Variants in TMEM131 observed in about 807,000 individuals in gnomAD.
TMEM131 encodes transmembrane protein 131, also known as 2610524E03Rik.
In TMEM131, 66 loss-of-function variants were observed where a neutral mutation model predicts 211.6. The ratio of observed to expected loss-of-function variants is 0.31; its 90% confidence interval spans 0.26 to 0.38. The LOEUF (loss-of-function observed/expected upper bound fraction) is 0.38. TMEM131 is among the 10% of genes least tolerant of loss of function. TMEM131 has a pLI of 1.00. For synonymous variants in TMEM131, 844 were observed against 841.3 expected (o/e 1.00, Z -0.06); for missense variants, 2,036 against 2,299.3 (o/e 0.89, Z 2.34).
chr2:97,843,790 TAAAGG>T (rs956709200), intron 6 of TMEM131, among the ~76,000 whole-genome samples: 2 of 152,164 alleles, frequency 1.3e-5, no homozygotes, highest in Non-Finnish European at 2.9e-5. Context: ...AAATACCTAC[TAAAGG>T]AAAGTAGACA....
chr2:97,980,641 A>G (rs894093648), intron 1 of TMEM131, among the ~76,000 whole-genome samples: 1 of 152,216 alleles, frequency 6.6e-6, no homozygotes, highest in Non-Finnish European at 1.5e-5. Flanking sequence ...GGCTTTATTT[A>G]TAACAGCCCC....
At chr2:97,900,477 ATGT>A (rs1400300238) in intron 3 of TMEM131, among the ~76,000 whole-genome samples, 1 of 151,944 alleles carries the variant, frequency 6.6e-6, no homozygotes, top group African/African-American at 2.4e-5. Flanking sequence ...AAGTTCATCC[ATGT>A]TGTCATAAAT....
rs116766440 is a variant in TMEM131, at chr2:97,761,221, G to A, written c.4890-307C>T. 488 of 238,746 alleles carry A rather than the reference G, an allele frequency of 2.0e-3. 1 individual carries two copies. The highest frequency in any genetic ancestry group is 0.01 in the African/African-American group (464 of 45,032). 14.8% of individuals were successfully genotyped at this position (238,746 alleles called of 1,614,324 possible). ...TGTGAAGAATGCTAGAGAGCCACTC[G>A]GCAGGAAATGCAGAGGGCAGCCACC... On this transcript the variant is annotated intron_variant, in intron 36 of 40. Coordinates refer to ENST00000186436, the MANE Select transcript of TMEM131 (RefSeq NM_015348.2).
intron 1 of TMEM131, among the ~76,000 whole-genome samples, chr2:97,949,873 T>G (rs1678221655): frequency 6.6e-6 from 1 of 151,198 alleles, no homozygotes; most frequent in South Asian, 2.1e-4. Context: ...ACACAGGGCT[T>G]GCTTCTTTTG....
chr2:97,936,466 A>G (rs1185048207), intron 1 of TMEM131, among the ~76,000 whole-genome samples: 1 of 152,188 alleles, frequency 6.6e-6, no homozygotes, highest in Non-Finnish European at 1.5e-5. Context: ...GAGTGTTTTG[A>G]TGTGCCCCAA....
At chr2:97,818,512 G>GGTAAAACA in intron 12 of TMEM131, 101 bp downstream of exon 12, 1 of 521,932 alleles carries the variant, frequency 1.9e-6, no homozygotes, top group Non-Finnish European at 3.4e-6. Flanking sequence ...AAATTCTGAT[G>GGTAAAACA]GTAAAACAGT....
chr2:97,928,548 T>C (rs939928845), intron 1 of TMEM131, among the ~76,000 whole-genome samples: 4 of 151,674 alleles, frequency 2.6e-5, no homozygotes, highest in African/African-American at 9.8e-5. Context: ...TTTAACTGTA[T>C]TACAAATGAA....
At chr2:97,976,810 G>C (rs1679555446) in intron 1 of TMEM131, among the ~76,000 whole-genome samples, 1 of 152,004 alleles carries the variant, frequency 6.6e-6, no homozygotes, top group Non-Finnish European at 1.5e-5. Context: ...TAGATTAACA[G>C]AACAAAAGAG....
chr2:97,882,086 C>T (rs1426495272), intron 4 of TMEM131, among the ~76,000 whole-genome samples: 2 of 152,210 alleles, frequency 1.3e-5, no homozygotes, highest in Non-Finnish European at 2.9e-5. Context: ...AAGAACCTTA[C>T]CTTAAAATTA....
chr2:97,879,032 G>A (rs990724251), intron 4 of TMEM131, among the ~76,000 whole-genome samples: 2 of 152,072 alleles, frequency 1.3e-5, no homozygotes, highest in Non-Finnish European at 2.9e-5. Context: ...CTTGATATCT[G>A]AACCAAATTT....
intron 2 of TMEM131, among the ~76,000 whole-genome samples, chr2:97,909,777 T>C (rs1207999787): frequency 6.6e-6 from 1 of 152,188 alleles, no homozygotes; most frequent in African/African-American, 2.4e-5. Flanking sequence ...TTCTTTGAGA[T>C]GTCTTGGCAA....
chr2:97,789,242 T>C (rs1680389851), intron 31 of TMEM131, among the ~76,000 whole-genome samples: 1 of 152,242 alleles, frequency 6.6e-6, no homozygotes, highest in African/African-American at 2.4e-5. Context: ...CACTGCTTTC[T>C]GTTATGCTGT....
intron 1 of TMEM131, among the ~76,000 whole-genome samples, chr2:97,947,671 T>C (rs1365463045): frequency 6.6e-6 from 1 of 152,132 alleles, no homozygotes; most frequent in Non-Finnish European, 1.5e-5. Context: ...ATCAAGTTTT[T>C]TGTTGTAAAA....
chr2:97,898,707 G>A (rs1429731326), intron 3 of TMEM131, among the ~76,000 whole-genome samples: 1 of 152,118 alleles, frequency 6.6e-6, no homozygotes, highest in Non-Finnish European at 1.5e-5. Flanking sequence ...ATGGTATTTT[G>A]TTATGGCAGT....
chr2:97,851,798 C>A (rs1022025336), intron 5 of TMEM131, among the ~76,000 whole-genome samples: 3 of 152,198 alleles, frequency 2.0e-5, no homozygotes, highest in Non-Finnish European at 4.4e-5. Context: ...GTTCTCCCAA[C>A]TCCCTTCCTC....
In TMEM131 at chr2:97,802,413, C is replaced by G. The variant is rs17022568; in HGVS notation, c.2651+15G>C. On this transcript the variant is annotated intron_variant, in intron 24 of 40. Coordinates refer to ENST00000186436, the MANE Select transcript of TMEM131 (RefSeq NM_015348.2). ...ACTACATAGAAACACTGTGATGATC[C>G]CAAGCAATACTTACCTTGATACTAA... 2.6e-6 allele frequency: 4 copies of G among 1,551,150 alleles called. No homozygotes were observed. The South Asian group carries it at 3.5e-5, about 14-fold the overall frequency.
At chr2:97,925,238 T>C (rs1340482059) in intron 2 of TMEM131, among the ~76,000 whole-genome samples, 1 of 152,190 alleles carries the variant, frequency 6.6e-6, no homozygotes, top group Non-Finnish European at 1.5e-5. Flanking sequence ...AAATTATGCT[T>C]GTAAATGAAA....
At chr2:97,923,474 T>G (rs1676829854) in intron 2 of TMEM131, among the ~76,000 whole-genome samples, 1 of 151,432 alleles carries the variant, frequency 6.6e-6, no homozygotes, top group East Asian at 1.9e-4. Context: ...AATGAATAAT[T>G]AGCCAGATGT....
chr2:97,963,152 A>G (rs1678895881), intron 1 of TMEM131, among the ~76,000 whole-genome samples: 1 of 152,234 alleles, frequency 6.6e-6, no homozygotes, highest in South Asian at 2.1e-4. Flanking sequence ...ATATTACTGT[A>G]TGCAAATTAT....
Sources: allele counts gnomAD v4.1 joint callset (sites outside exome capture counted in the v4.1 genomes callset), GRCh38; gene constraint gnomAD v4.1.1; transcripts MANE v1.5; gene names NCBI Gene and HGNC (gene_info 2026-07-23, HGNC 2026-07-21).